CNTN6: variants seen among roughly 807,000 people sequenced by gnomAD.
CNTN6 encodes contactin-6.
CNTN6 carries 137 observed loss-of-function variants against 122.8 expected under a neutral mutation model. The observed-to-expected ratio is 1.12, with a 90% CI of 0.97 to 1.29. The LOEUF (loss-of-function observed/expected upper bound fraction) is 1.29, where lower values mean the gene tolerates loss of function less well. CNTN6 is among the 50% of genes most tolerant of loss of function. The pLI, the probability that CNTN6 is intolerant of heterozygous loss-of-function variation, is 0.00. For missense variants in CNTN6, 1,634 were observed against 1,223.4 expected (o/e 1.34, Z -5.01); for synonymous variants, 570 against 426.0 (o/e 1.34, Z -4.16).
intron 11 of CNTN6, among the ~76,000 whole-genome samples, chr3:1,344,927 C>T (rs974107015): frequency 6.6e-6 from 1 of 152,042 alleles, no homozygotes. Context: ...GTCCCTCGAT[C>T]ATGTCTCTCT....
At position 1,377,007 on chromosome 3, in the gene CNTN6, C is replaced by A; in HGVS notation, c.2098C>A (p.Pro700Thr). 1 of 1,584,296 alleles carries A rather than the reference C, an allele frequency of 6.3e-7. No individual in the cohort carries two copies. Among genetic ancestry groups the A allele is most frequent in the Non-Finnish European group, 8.6e-7 (1 of 1,163,304 alleles). ...SELLRTKASV[P>T]VVAPVNIHGG... ...ACATTTCTCTTGGTTATTTTTAGTC[C>A]CTGTTGTGGCACCAGTAAACATCCA... Residue 700 changes from proline to threonine, a missense_variant and splice_region_variant, in exon 17 of 23, where the codon CCT becomes ACT. Transcript: ENST00000446702.
chr3:1,311,660 A>G (rs1217784968), intron 7 of CNTN6, among the ~76,000 whole-genome samples: 1 of 151,232 alleles, frequency 6.6e-6, no homozygotes, highest in Admixed American at 6.6e-5. Flanking sequence ...AAAGGAGACA[A>G]TAAAATCCTT....
At chr3:1,121,516 A>G (rs978556961) in intron 1 of CNTN6, among the ~76,000 whole-genome samples, 2 of 152,008 alleles carry the variant, frequency 1.3e-5, no homozygotes, top group East Asian at 3.9e-4. Context: ...TTTAAGTAAG[A>G]GTTAAAAATA....
chr3:1,109,823 T>C (rs187914287), intron 1 of CNTN6, among the ~76,000 whole-genome samples: 1 of 152,214 alleles, frequency 6.6e-6, no homozygotes, highest in East Asian at 1.9e-4. Context: ...TATTAGCTTC[T>C]TGACAAAGAA....
intron 2 of CNTN6, among the ~76,000 whole-genome samples, chr3:1,203,252 C>T (rs1264744478): frequency 6.6e-6 from 1 of 152,064 alleles, no homozygotes; most frequent in South Asian, 2.1e-4. Flanking sequence ...AATACCTGCC[C>T]CCATCTGTGA....
chr3:1,341,697 A>G (rs772095482), intron 11 of CNTN6, among the ~76,000 whole-genome samples: 9 of 152,312 alleles, frequency 5.9e-5, no homozygotes, highest in Middle Eastern at 6.8e-3. Context: ...GTGTATATTA[A>G]ACAAGGTGAC....
At chr3:1,111,153 G>T (rs868012580) in intron 1 of CNTN6, among the ~76,000 whole-genome samples, 2 of 152,104 alleles carry the variant, frequency 1.3e-5, no homozygotes, top group South Asian at 4.1e-4. Flanking sequence ...AGCCAGTGTA[G>T]CATTATTGAA....
intron 1 of CNTN6, among the ~76,000 whole-genome samples, chr3:1,140,875 C>A (rs2092593053): frequency 1.3e-5 from 2 of 152,156 alleles, no homozygotes; most frequent in Non-Finnish European, 2.9e-5. Context: ...ACTAATCTAT[C>A]ATCTATTATG....
At chr3:1,373,447 G>T (rs533541763) in intron 14 of CNTN6, among the ~76,000 whole-genome samples, 157 bp from the exon 15 acceptor site, 1 of 152,182 alleles carries the variant, frequency 6.6e-6, no homozygotes, top group South Asian at 2.1e-4. Flanking sequence ...ACCATGTAAA[G>T]GGAATTAATA....
chr3:1,133,658 C>T (rs1392263881), intron 1 of CNTN6, among the ~76,000 whole-genome samples: 1 of 152,026 alleles, frequency 6.6e-6, no homozygotes, highest in African/African-American at 2.4e-5. Flanking sequence ...TTCCATTTTC[C>T]TACAGACATG....
chr3:1,190,440 A>G (rs1007864764), intron 2 of CNTN6, among the ~76,000 whole-genome samples: 1 of 152,200 alleles, frequency 6.6e-6, no homozygotes, highest in African/African-American at 2.4e-5. Flanking sequence ...CTTTTTACTG[A>G]AACCGCCTTG....
chr3:1,297,914 G>C lies in CNTN6; in HGVS notation c.684G>C (p.Lys228Asn), dbSNP rs776173605. The C allele has an allele frequency of 6.2e-7, 1 of 1,612,724 alleles. No homozygotes were observed. The highest frequency in any genetic ancestry group is 8.5e-7 in the Non-Finnish European group (1 of 1,179,490). Residue 228 changes from lysine to asparagine, a missense_variant, in exon 7 of 23, where the codon AAG (lysine) becomes AAC (asparagine). Transcript: ENST00000446702. ...GTGTGATGGGGGAATATGAACCAAA[G>C]ATTGAAGTGCGTTTTCCTGAAACTA... Reference protein sequence around the residue: ...TDGVMGEYEPKIEVRFPETIQ... With the variant: ...TDGVMGEYEPNIEVRFPETIQ...
chr3:1,123,471 A>ACT (rs1334054911), intron 1 of CNTN6, among the ~76,000 whole-genome samples: 1 of 149,980 alleles, frequency 6.7e-6, no homozygotes, highest in African/African-American at 2.4e-5. Flanking sequence ...TAGGAACATA[A>ACT]CTAATTTTTG....
intron 1 of CNTN6, among the ~76,000 whole-genome samples, chr3:1,132,767 C>T (rs757759416): frequency 3.3e-5 from 5 of 152,106 alleles, no homozygotes; most frequent in Non-Finnish European, 7.3e-5. Flanking sequence ...TTCTTTCCCT[C>T]TTCTAGAGTG....
intron 7 of CNTN6, among the ~76,000 whole-genome samples, chr3:1,319,259 C>T (rs924322577): frequency 2.0e-5 from 3 of 151,670 alleles, no homozygotes; most frequent in Admixed American, 6.6e-5. Context: ...CCTAACACAA[C>T]AGCTGTGAAG....
chr3:1,336,732 T>C (rs1009493357), intron 11 of CNTN6, among the ~76,000 whole-genome samples: 13 of 152,040 alleles, frequency 8.6e-5, no homozygotes, highest in African/African-American at 3.1e-4. Flanking sequence ...CTTATTCAAT[T>C]ATTGAACAAG....
chr3:1,246,324 C>T (rs764920398), intron 4 of CNTN6, among the ~76,000 whole-genome samples: 1 of 151,980 alleles, frequency 6.6e-6, no homozygotes, highest in Non-Finnish European at 1.5e-5. Flanking sequence ...TCAAGTCTGG[C>T]TTATTAGCCA....
chr3:1,249,905 G>A (rs1159605033), intron 4 of CNTN6, among the ~76,000 whole-genome samples: 1 of 80,014 alleles, frequency 1.2e-5, no homozygotes, highest in Admixed American at 1.4e-4. Context: ...TCAGCCTTCT[G>A]AAAGGCTCTG....
intron 11 of CNTN6, among the ~76,000 whole-genome samples, chr3:1,336,810 C>T (rs1180235275): frequency 6.6e-6 from 1 of 152,154 alleles, no homozygotes. Flanking sequence ...CTTCCACCTG[C>T]CTGGCTCCGC....
Sources: gnomAD v4.1 joint callset for allele counts (sites outside exome capture counted in the v4.1 genomes callset) on GRCh38, gnomAD v4.1.1 for gene constraint, MANE v1.5 for transcripts, NCBI Gene and HGNC (gene_info 2026-07-23, HGNC 2026-07-21) for gene names.